Variants in ENTREP1 observed in about 807,000 individuals in gnomAD.
ENTREP1 encodes Friedreich ataxia region gene X123.
the ENTREP1 span, among the ~76,000 whole-genome samples, chr9:69,368,248 A>G: frequency 1.3e-5 from 2 of 152,082 alleles, no homozygotes; most frequent in African/African-American, 4.8e-5. Flanking sequence ...AGAAGTAGTA[A>G]AAGTGGGCAT....
the ENTREP1 span, among the ~76,000 whole-genome samples, chr9:69,376,628 C>T: frequency 6.6e-6 from 1 of 152,098 alleles, no homozygotes. Context: ...GAAGAATCTC[C>T]AAGGAAAGAG....
At chr9:69,371,548 C>G in the ENTREP1 span, 1 of 1,613,910 alleles carries the variant, frequency 6.2e-7, no homozygotes, top group Non-Finnish European at 8.5e-7. Context: ...TTAAATCTAG[C>G]TGGATTTATC....
chr9:69,352,483 A>G, the ENTREP1 span, among the ~76,000 whole-genome samples: 1 of 152,188 alleles, frequency 6.6e-6, no homozygotes, highest in African/African-American at 2.4e-5. Flanking sequence ...ACTAAAGGCT[A>G]GATTGGTAAT....
the ENTREP1 span, among the ~76,000 whole-genome samples, chr9:69,349,977 G>C: frequency 1.3e-5 from 2 of 152,186 alleles, no homozygotes; most frequent in Non-Finnish European, 2.9e-5. Flanking sequence ...GTGAACCATT[G>C]TTAAGCTGGG....
the ENTREP1 span, chr9:69,336,140 G>A: frequency 2.7e-6 from 2 of 751,714 alleles, no homozygotes; most frequent in Non-Finnish European, 2.2e-6. Context: ...TTAAAAATAT[G>A]TACTTTTGTG....
the ENTREP1 span, chr9:69,336,176 G>T: frequency 8.9e-7 from 1 of 1,121,454 alleles, no homozygotes; most frequent in Non-Finnish European, 1.3e-6. Flanking sequence ...ATTGGAATTG[G>T]TCCATTTTCT....
At chr9:69,361,844 G>T in the ENTREP1 span, among the ~76,000 whole-genome samples, 72 of 151,978 alleles carry the variant, frequency 4.7e-4, no homozygotes, top group Non-Finnish European at 9.1e-4. Flanking sequence ...GCTTTTGTGG[G>T]ATTCAGTTTT....
At chr9:69,370,525 C>T in the ENTREP1 span, among the ~76,000 whole-genome samples, 1 of 152,128 alleles carries the variant, frequency 6.6e-6, no homozygotes, top group Non-Finnish European at 1.5e-5. Context: ...TGACAGGCTG[C>T]ATCCAAATTA....
At chr9:69,340,777 ATG>A in the ENTREP1 span, among the ~76,000 whole-genome samples, 6 of 42,676 alleles carry the variant, frequency 1.4e-4, 1 homozygote, top group African/African-American at 6.3e-4. Flanking sequence ...GTGTGTGTGT[ATG>A]TGTGTGTGCA....
chr9:69,328,233 C>T, the ENTREP1 span, among the ~76,000 whole-genome samples: 3 of 152,130 alleles, frequency 2.0e-5, no homozygotes, highest in African/African-American at 7.2e-5. Context: ...CCTTCGTGCT[C>T]CCTAGTCCAT....
chr9:69,331,148 T>C, the ENTREP1 span, among the ~76,000 whole-genome samples: 229 of 152,214 alleles, frequency 1.5e-3, no homozygotes, highest in Non-Finnish European at 2.6e-3. Context: ...GCAGGGTAGG[T>C]TGTTGAGAAG....
chr9:69,340,767 G>GTGTA, the ENTREP1 span, among the ~76,000 whole-genome samples: 33 of 128,748 alleles, frequency 2.6e-4, 1 homozygote, highest in African/African-American at 1.0e-3. Flanking sequence ...GCGTGCATGT[G>GTGTA]TGTGTGTGTA....
At chr9:69,348,743 T>G in the ENTREP1 span, among the ~76,000 whole-genome samples, 2 of 152,242 alleles carry the variant, frequency 1.3e-5, no homozygotes. Context: ...GCATATTTTT[T>G]AGCTTAATAT....
chr9:69,364,484 T>A, the ENTREP1 span, among the ~76,000 whole-genome samples: 2 of 152,126 alleles, frequency 1.3e-5, no homozygotes, highest in African/African-American at 4.8e-5. Flanking sequence ...GTGACTATAA[T>A]GTGCTTTGGC....
the ENTREP1 span, chr9:69,388,501 C>A: frequency 7.2e-7 from 1 of 1,395,640 alleles, no homozygotes; most frequent in South Asian, 1.4e-5. Context: ...ATTTTCATAG[C>A]AGCTAAAGTG....
chr9:69,383,629 G>T, the ENTREP1 span: 2 of 1,613,990 alleles, frequency 1.2e-6, no homozygotes, highest in Admixed American at 3.3e-5. Flanking sequence ...GCTTTTCCTA[G>T]GATGGTTGGT....
the ENTREP1 span, among the ~76,000 whole-genome samples, chr9:69,330,159 G>A: frequency 6.6e-6 from 1 of 152,104 alleles, no homozygotes; most frequent in Admixed American, 6.5e-5. Context: ...CTGGGTAAGG[G>A]AGTTAGCTAG....
chr9:69,377,426 G>A, the ENTREP1 span: 1 of 1,614,066 alleles, frequency 6.2e-7, no homozygotes, highest in Non-Finnish European at 8.5e-7. Context: ...TCTGCTTGGT[G>A]GCCGCTGCCC....
chr9:69,340,593 GCA>G, the ENTREP1 span, among the ~76,000 whole-genome samples: 1 of 147,426 alleles, frequency 6.8e-6, no homozygotes. Flanking sequence ...AAGTATGTGT[GCA>G]TGCATGTGTG....
Sources: allele counts gnomAD v4.1 joint callset (sites outside exome capture counted in the v4.1 genomes callset), GRCh38; gene constraint gnomAD v4.1.1; transcripts MANE v1.5; gene names NCBI Gene and HGNC (gene_info 2026-07-23, HGNC 2026-07-21).